The following PYGB variants were observed in gnomAD, a reference collection of about 807,000 sequenced individuals.
The protein encoded by PYGB is glycogen phosphorylase B.
Under a neutral mutation model 94.3 loss-of-function variants are expected in PYGB, and 82 were observed. The ratio of observed to expected loss-of-function variants is 0.87; its 90% confidence interval spans 0.73 to 1.04. The LOEUF (loss-of-function observed/expected upper bound fraction) is 1.04. Among genes scored for constraint, PYGB ranks in the 50% least tolerant of loss-of-function variants. The pLI, the probability that PYGB is intolerant of heterozygous loss-of-function variation, is 0.00. For synonymous variants in PYGB, 488 were observed against 479.1 expected, an observed-to-expected ratio of 1.02 and a Z score of -0.24; for missense variants, 1,132 against 1,158.2, an observed-to-expected ratio of 0.98 and a Z score of 0.33.
At chr20:25,280,664 A>G (rs1266297249) in intron 10 of PYGB, among the ~76,000 whole-genome samples, 2 of 152,242 alleles carry the variant, frequency 1.3e-5, no homozygotes, top group Admixed American at 1.3e-4. Flanking sequence ...CTCAGACAGC[A>G]GCCCTGTGGG....
In PYGB at chr20:25,248,331, C is replaced by T. The variant is rs769828709; in HGVS notation, c.153C>T (p.Asp51=). The T allele has an allele frequency of 1.3e-5, 21 of 1,604,086 alleles. No individual in the cohort carries two copies. In the South Asian group the frequency reaches 1.9e-4, roughly 15 times the overall value. The stretch of plus-strand genomic sequence containing the variant: ...ACCGCAATGTGGCCACGCCCCGCGA[C>T]TACTTCTTCGCGCTGGCGCACACGG... ...VKDRNVATPR[D]YFFALAHTVR... The change falls in exon 1 of 20, where the codon GAC becomes GAT. Residue 51 remains aspartate (D), a synonymous_variant. Transcript: ENST00000216962.
rs143633012 is a variant in PYGB, at chr20:25,292,289, A to G, written c.1970-117A>G. The G allele has an allele frequency of 1.3e-3, 1,425 of 1,106,572 alleles. 14 individuals are homozygous for G. In the African/African-American group the frequency reaches 0.02, roughly 16 times the overall value. 68.5% of individuals were successfully genotyped at this position (1,106,572 alleles called of 1,614,324 possible). ...GTGGGGGCTGGAGCGGGGCCACAGC[A>G]TTGGTCCCTCCACGACCCAGCCCCG... On this transcript the variant is annotated intron_variant, in intron 16 of 19. Coordinates refer to ENST00000216962, the MANE Select transcript of PYGB (RefSeq NM_002862.4).
chr20:25,265,592 A>ATT (rs34336965), intron 2 of PYGB, among the ~76,000 whole-genome samples: 2,689 of 119,628 alleles, frequency 0.022, 109 homozygotes, highest in African/African-American at 0.083. Flanking sequence ...TTGTTGTTGA[A>ATT]TTTTTTTTTT....
At position 25,284,113 on chromosome 20, in the gene PYGB, C is replaced by T; in HGVS notation, c.1630C>T (p.Leu544Phe). Residue 544 changes from leucine (L) to phenylalanine (F), a missense_variant, in exon 14 of 20, where the codon CTC becomes TTC. By Grantham distance (22) the Leu-to-Phe change is conservative (BLOSUM62 0). Coordinates refer to ENST00000216962, the MANE Select transcript of PYGB (RefSeq NM_002862.4). The stretch of plus-strand genomic sequence containing the variant: ...CCTTTCACCCTCCCAGGAGAACAAG[C>T]TCAAGTTCTCGGCCTTCCTGGAGAA... ...DVAKVKQENK[L>F]KFSAFLEKEY... 3 of 1,613,946 alleles carry T rather than the reference C, an allele frequency of 1.9e-6. No homozygotes were observed. The highest frequency in any genetic ancestry group is 2.5e-6 in the Non-Finnish European group (3 of 1,179,856).
chr20:25,269,192 C>A lies in PYGB; in HGVS notation c.409C>A (p.Leu137Met). The A allele has an allele frequency of 6.3e-7, 1 of 1,592,396 alleles. No individual in the cohort carries two copies. Among genetic ancestry groups the A allele is most frequent in the Non-Finnish European group, 8.6e-7 (1 of 1,160,852 alleles). ...AGATGCTGGCCTTGGGAATGGAGGC[C>A]TGGGGAGGCTGGCAGGTAAGTTGCC... ...EEDAGLGNGG[L>M]GRLAACFLDS... The change falls in exon 3 of 20, where the codon CTG (leucine) becomes ATG (methionine). Residue 137 changes from leucine (L) to methionine (M), a missense_variant. Leu to Met is a conservative substitution (Grantham distance 15). Coordinates refer to ENST00000216962, the MANE Select transcript of PYGB (RefSeq NM_002862.4).
intron 11 of PYGB, 92 bp downstream of exon 11, chr20:25,281,204 A>G (rs1600735160): frequency 6.7e-7 from 1 of 1,500,110 alleles, no homozygotes; most frequent in Non-Finnish European, 9.1e-7. Context: ...ACCCAGCTAT[A>G]TAGCATACAA....
intron 4 of PYGB, among the ~76,000 whole-genome samples, chr20:25,273,630 C>T (rs1275215679): frequency 2.6e-5 from 4 of 152,092 alleles, no homozygotes; most frequent in African/African-American, 4.8e-5. Flanking sequence ...AAGGGTGGCT[C>T]GAATCTGCAG....
chr20:25,290,203 C>G (rs930868448), intron 15 of PYGB, among the ~76,000 whole-genome samples: 1 of 152,234 alleles, frequency 6.6e-6, no homozygotes, highest in African/African-American at 2.4e-5. Context: ...AAATCCTGGT[C>G]TCTTTTACCT....
chr20:25,291,495 G>A (rs984600030), intron 16 of PYGB, among the ~76,000 whole-genome samples: 1 of 152,204 alleles, frequency 6.6e-6, no homozygotes, highest in East Asian at 1.9e-4. Context: ...CCTGGGCACC[G>A]TCCCTGTGGC....
At chr20:25,283,589 G>C (rs923597808) in intron 13 of PYGB, among the ~76,000 whole-genome samples, 1 of 152,242 alleles carries the variant, frequency 6.6e-6, no homozygotes, top group Non-Finnish European at 1.5e-5. Context: ...GCCTCTAGAA[G>C]CCGATTCCAG....
At chr20:25,274,819 G>A (rs1299963800) in intron 5 of PYGB, 96 bp downstream of exon 5, 1 of 1,502,400 alleles carries the variant, frequency 6.7e-7, no homozygotes, top group African/African-American at 1.4e-5. Flanking sequence ...TGGCTTGGGG[G>A]GCTTGCTGCC....
chr20:25,254,417 C>T (rs2092897405), intron 1 of PYGB, among the ~76,000 whole-genome samples: 1 of 152,120 alleles, frequency 6.6e-6, no homozygotes, highest in Non-Finnish European at 1.5e-5. Flanking sequence ...CTAAGACATG[C>T]AGCAAATAAC....
At position 25,286,737 on chromosome 20, in the gene PYGB, G is replaced by A. The variant is rs565105933; in HGVS notation, c.1769-1688G>A. Among the ~76,000 whole-genome samples the A allele has an allele frequency of 9.9e-5, 15 of 152,236 alleles. 1 individual carries two copies. In the East Asian group the frequency reaches 2.1e-3, roughly 22 times the overall value. ...GTGAGGGTGCCCTTGTGGGAGAGGC[G>A]CTTGCCCAAACCTGCTGTTCCCCGG... is the stretch of plus-strand genomic sequence containing the variant. On this transcript the variant is annotated intron_variant, in intron 14 of 19. Transcript: ENST00000216962.
rs2088233192 is a variant in PYGB, at chr20:25,268,123, T to G, written c.346-1006T>G. Among the ~76,000 whole-genome samples the G allele has an allele frequency of 2.0e-5, 3 of 149,152 alleles. No homozygotes were observed. The South Asian group carries it at 6.3e-4, about 31-fold the overall frequency. On this transcript the variant is annotated intron_variant, in intron 2 of 19. Transcript: ENST00000216962. ...TGTAGTTAAACTTATTTCTTAACTT[T>G]GAGCCAGTAATGCATTATTGAGTAA... is the stretch of plus-strand genomic sequence containing the variant.
At chr20:25,249,601 G>A (rs1410543175) in intron 1 of PYGB, among the ~76,000 whole-genome samples, 1 of 152,246 alleles carries the variant, frequency 6.6e-6, no homozygotes, top group African/African-American at 2.4e-5. Flanking sequence ...TAATTGCTAA[G>A]AGATTGACTG....
At chr20:25,271,565 T>C in intron 4 of PYGB, 79 bp downstream of exon 4, 2 of 1,479,680 alleles carry the variant, frequency 1.4e-6, no homozygotes, top group South Asian at 2.3e-5. Context: ...GTTTGTCTTT[T>C]TATACTTCCC....
Position 25,296,545 on chromosome 20 carries a change from C to T in PYGB, c.*23C>T. ...TAGGCACACCCTGCCTTGGCGGGACCAGCGGGCATTTGTTTTCTTGCTGAC... is the reference window on the plus strand; with the variant it reads ...TAGGCACACCCTGCCTTGGCGGGACTAGCGGGCATTTGTTTTCTTGCTGAC... On this transcript the variant is annotated 3_prime_UTR_variant, in exon 20 of 20. Transcript: ENST00000216962. 1 of 1,593,730 alleles carries T rather than the reference C, an allele frequency of 6.3e-7. No homozygotes were observed. Among genetic ancestry groups the T allele is most frequent in the African/African-American group, 1.3e-5 (1 of 74,462 alleles).
intron 6 of PYGB, among the ~76,000 whole-genome samples, chr20:25,276,987 G>A (rs1014066623): frequency 1.3e-5 from 2 of 152,046 alleles, no homozygotes; most frequent in South Asian, 2.1e-4. Flanking sequence ...CTGGGCCCTG[G>A]GCACCCAGGG....
chr20:25,294,347 C>A, intron 18 of PYGB, 55 bp downstream of exon 18: 2 of 1,503,552 alleles, frequency 1.3e-6, no homozygotes, highest in South Asian at 2.3e-5. Flanking sequence ...AGGGAGGGGT[C>A]CTCTTCGTGG....
Sources: gnomAD v4.1 joint callset for allele counts (sites outside exome capture counted in the v4.1 genomes callset) on GRCh38, gnomAD v4.1.1 for gene constraint, MANE v1.5 for transcripts, NCBI Gene and HGNC (gene_info 2026-07-23, HGNC 2026-07-21) for gene names.